STXBP5L: variants seen among roughly 807,000 people sequenced by gnomAD.
The protein encoded by STXBP5L is syntaxin binding protein 5L, also known as syntaxin-binding protein 5-like.
Under a neutral mutation model 144.5 loss-of-function variants are expected in STXBP5L, and 65 were observed. That is an observed-to-expected ratio of 0.45 (90% CI 0.37 to 0.55). The LOEUF is 0.55. Ranked by LOEUF, STXBP5L falls within the 20% of genes least tolerant of loss-of-function variation. STXBP5L has a pLI of 0.00. For synonymous variants in STXBP5L, 505 were observed against 469.6 expected, an observed-to-expected ratio of 1.08 and a Z score of -0.97; for missense variants, 1,298 against 1,405.5, an observed-to-expected ratio of 0.92 and a Z score of 1.22.
chr3:121,257,042 T>G, intron 16 of STXBP5L, 119 bp from the exon 17 acceptor site: 1 of 743,898 alleles, frequency 1.3e-6, no homozygotes, highest in Non-Finnish European at 2.1e-6. Context: ...AAAAACTGTG[T>G]GAATGATTCC....
At chr3:121,192,927 C>T (rs555757092) in intron 9 of STXBP5L, among the ~76,000 whole-genome samples, 32 of 152,070 alleles carry the variant, frequency 2.1e-4, no homozygotes, top group Middle Eastern at 3.4e-3. Flanking sequence ...GACTTCATAA[C>T]TAAAACACCA....
intron 19 of STXBP5L, among the ~76,000 whole-genome samples, chr3:121,312,723 TCCATTTAAC>T (rs910247857): frequency 1.3e-5 from 2 of 151,908 alleles, no homozygotes; most frequent in Non-Finnish European, 2.9e-5. Flanking sequence ...CCGCCCTTAA[TCCATTTAAC>T]GCTGAGTGGA....
chr3:121,096,196 G>A (rs773612344), intron 5 of STXBP5L, among the ~76,000 whole-genome samples: 1 of 152,170 alleles, frequency 6.6e-6, no homozygotes, highest in Admixed American at 6.5e-5. Context: ...CATCACTCAT[G>A]CTGGGAGTTG....
chr3:121,153,221 G>C (rs934820283), intron 8 of STXBP5L, among the ~76,000 whole-genome samples: 4 of 151,986 alleles, frequency 2.6e-5, no homozygotes, highest in African/African-American at 9.7e-5. Flanking sequence ...TGACACTTCA[G>C]TTGTTCAAAT....
At chr3:121,174,372 A>G (rs1036436022) in intron 9 of STXBP5L, among the ~76,000 whole-genome samples, 2 of 152,026 alleles carry the variant, frequency 1.3e-5, no homozygotes, top group African/African-American at 4.8e-5. Flanking sequence ...TTTTTCTGAT[A>G]TTTTAGGCTA....
At chr3:121,030,080 G>A (rs1946257048) in intron 3 of STXBP5L, among the ~76,000 whole-genome samples, 2 of 152,240 alleles carry the variant, frequency 1.3e-5, no homozygotes, top group South Asian at 4.1e-4. Flanking sequence ...ACTGTTGGTG[G>A]GTGTGTAAAT....
chr3:121,071,081 A>G (rs1000897917), intron 5 of STXBP5L, among the ~76,000 whole-genome samples: 3 of 152,164 alleles, frequency 2.0e-5, no homozygotes, highest in African/African-American at 7.2e-5. Context: ...TTTCTGGACC[A>G]GGCTTCTATC....
Position 121,061,200 on chromosome 3 carries a change from T to A in STXBP5L, c.470+15665T>A, listed in dbSNP as rs144364100. Among the ~76,000 whole-genome samples the A allele has an allele frequency of 4.6e-5, 7 of 152,320 alleles. No homozygotes were observed. In the East Asian group the frequency reaches 7.7e-4, roughly 17 times the overall value. On this transcript the variant is annotated intron_variant, in intron 5 of 26. Transcript: ENST00000471454. ...TTGTTCTCATTGGTTTCAAAAAACA[T>A]CTTTATTTCTGCCTTAATTTTGTTA...
chr3:121,415,426 C>T (rs1182886254), intron 24 of STXBP5L, among the ~76,000 whole-genome samples: 2 of 152,082 alleles, frequency 1.3e-5, no homozygotes, highest in Non-Finnish European at 1.5e-5. Flanking sequence ...TGTACTCCTA[C>T]AAAAATAGAT....
chr3:120,914,493 G>C (rs1709008321), intron 2 of STXBP5L, among the ~76,000 whole-genome samples: 1 of 151,992 alleles, frequency 6.6e-6, no homozygotes, highest in Non-Finnish European at 1.5e-5. Context: ...AGAAATACAG[G>C]CATGAACTGT....
chr3:121,130,686 G>A lies in STXBP5L; in HGVS notation c.669+8982G>A, dbSNP rs953238691. Among the ~76,000 whole-genome samples, 5 of 152,042 alleles carry A rather than the reference G, an allele frequency of 3.3e-5. No individual in the cohort carries two copies. The East Asian group carries it at 9.6e-4, about 29-fold the overall frequency. On this transcript the variant is annotated intron_variant, in intron 7 of 26. Transcript: ENST00000471454. The stretch of plus-strand genomic sequence containing the variant: ...CTGGTAAAGAAAATCATCACAATTG[G>A]TAGAGCCAATAGCAGTATACTGTAT...
At chr3:120,991,935 G>T (rs930755781) in intron 3 of STXBP5L, among the ~76,000 whole-genome samples, 2 of 152,038 alleles carry the variant, frequency 1.3e-5, no homozygotes, top group Non-Finnish European at 2.9e-5. Context: ...ACGTTGTGCA[G>T]ATGTACCCTA....
At chr3:120,971,776 GTA>G (rs1311415066) in intron 3 of STXBP5L, among the ~76,000 whole-genome samples, 1 of 116,190 alleles carries the variant, frequency 8.6e-6, no homozygotes, top group Non-Finnish European at 1.8e-5. Context: ...GTATATATGT[GTA>G]TGTATATATA....
At chr3:121,164,884 G>T (rs939355002) in intron 9 of STXBP5L, among the ~76,000 whole-genome samples, 1 of 152,166 alleles carries the variant, frequency 6.6e-6, no homozygotes, top group Admixed American at 6.5e-5. Flanking sequence ...GGGCAGGAGA[G>T]CCTGGGGGAG....
intron 18 of STXBP5L, among the ~76,000 whole-genome samples, chr3:121,272,487 C>A (rs1052373666): frequency 2.0e-5 from 3 of 152,106 alleles, no homozygotes; most frequent in African/African-American, 7.2e-5. Flanking sequence ...TCATGTTCAT[C>A]CCTTCACTTT....
At chr3:121,009,139 G>T (rs1174743593) in intron 3 of STXBP5L, among the ~76,000 whole-genome samples, 2 of 151,964 alleles carry the variant, frequency 1.3e-5, no homozygotes, top group Admixed American at 6.6e-5. Context: ...AGGCAGTGGG[G>T]TGGCTGAGGA....
intron 9 of STXBP5L, among the ~76,000 whole-genome samples, chr3:121,185,265 G>T (rs1350752384): frequency 6.6e-6 from 1 of 152,160 alleles, no homozygotes; most frequent in Non-Finnish European, 1.5e-5. Context: ...CACTCTGATG[G>T]TAGTTTCTTT....
chr3:121,272,204 A>G (rs576218160), intron 18 of STXBP5L, among the ~76,000 whole-genome samples: 3 of 152,312 alleles, frequency 2.0e-5, no homozygotes, highest in South Asian at 2.1e-4. Context: ...TAATGTATCT[A>G]TTGTTGAAAG....
intron 3 of STXBP5L, among the ~76,000 whole-genome samples, chr3:120,992,292 A>G (rs572204523): frequency 1.1e-4 from 17 of 152,156 alleles, no homozygotes; most frequent in Non-Finnish European, 2.4e-4. Context: ...TTATTTATAT[A>G]TGTTGGGAAC....
Sources: allele counts gnomAD v4.1 joint callset (sites outside exome capture counted in the v4.1 genomes callset), GRCh38; gene constraint gnomAD v4.1.1; transcripts MANE v1.5; gene names NCBI Gene and HGNC (gene_info 2026-07-23, HGNC 2026-07-21).